Variants in CHL1 observed in about 807,000 individuals in gnomAD.
The protein encoded by CHL1 is cell adhesion molecule L1 like.
A neutral mutation model predicts 141.9 loss-of-function variants in CHL1; 96 were observed. The observed-to-expected ratio is 0.68, with a 90% CI of 0.57 to 0.80. The LOEUF (loss-of-function observed/expected upper bound fraction) is 0.80. CHL1 is among the 30% of genes least tolerant of loss of function. CHL1 has a pLI of 0.00. For synonymous variants in CHL1, 613 were observed against 502.2 expected, an observed-to-expected ratio of 1.22 and a Z score of -2.95; for missense variants, 1,820 against 1,457.2, an observed-to-expected ratio of 1.25 and a Z score of -4.05.
intron 7 of CHL1, among the ~76,000 whole-genome samples, chr3:342,702 T>C (rs1341030857): frequency 6.6e-6 from 1 of 152,220 alleles, no homozygotes; most frequent in Admixed American, 6.5e-5. Flanking sequence ...TTCATTTTTA[T>C]GTGTAGATAT....
intron 2 of CHL1, among the ~76,000 whole-genome samples, chr3:289,308 G>A (rs940555293): frequency 5.9e-5 from 9 of 152,072 alleles, no homozygotes; most frequent in Admixed American, 3.3e-4. Flanking sequence ...CAAACTTACC[G>A]ATAACACATT....
intron 20 of CHL1, among the ~76,000 whole-genome samples, chr3:390,293 A>G (rs1485380369): frequency 6.6e-6 from 1 of 152,240 alleles, no homozygotes; most frequent in Non-Finnish European, 1.5e-5. Context: ...GTATGAACCA[A>G]TTTAGGTAAG....
chr3:281,701 AG>A (rs763123419), intron 2 of CHL1, among the ~76,000 whole-genome samples: 6 of 152,082 alleles, frequency 3.9e-5, no homozygotes, highest in Middle Eastern at 3.4e-3. Context: ...CTGGGATTAC[AG>A]GCACATGCCA....
intron 3 of CHL1, among the ~76,000 whole-genome samples, chr3:321,998 G>A (rs1312838824): frequency 1.3e-5 from 2 of 152,024 alleles, no homozygotes; most frequent in Non-Finnish European, 2.9e-5. Flanking sequence ...ATTTAGGAAA[G>A]AATAATGTTC....
intron 1 of CHL1, among the ~76,000 whole-genome samples, chr3:203,006 T>G (rs565034439): frequency 6.6e-6 from 1 of 152,324 alleles, no homozygotes; most frequent in South Asian, 2.1e-4. Context: ...GTTTTGAATA[T>G]TTCTCTGTTT....
chr3:260,668 G>A (rs1694636292), intron 2 of CHL1, among the ~76,000 whole-genome samples: 2 of 152,078 alleles, frequency 1.3e-5, no homozygotes, highest in South Asian at 4.1e-4. Flanking sequence ...ACACAGCTGG[G>A]GTGTAGTTTG....
rs1700322883 is a variant in CHL1 at position 318,729 on chromosome 3, T to C, written c.-94-954T>C. Among the ~76,000 whole-genome samples the C allele has an allele frequency of 3.3e-5, 5 of 151,418 alleles. No homozygotes were observed. In the Admixed American group the frequency reaches 3.3e-4, roughly 10 times the overall value. Reference sequence around the variant, plus strand: ...GCCTTTATTCTTTTGTTCTTTATTATTTCTTTCCTCTATCTTGCTGGAACT... The same window carrying C: ...GCCTTTATTCTTTTGTTCTTTATTACTTCTTTCCTCTATCTTGCTGGAACT... On this transcript the variant is annotated intron_variant, in intron 2 of 27. Coordinates refer to ENST00000256509, the MANE Select transcript of CHL1 (RefSeq NM_006614.4).
chr3:202,061 A>G (rs75778965), intron 1 of CHL1, among the ~76,000 whole-genome samples: 1,561 of 152,316 alleles, frequency 0.01, 32 homozygotes, highest in African/African-American at 0.035. Flanking sequence ...TCAGGCTGCC[A>G]GGGTTCAAAA....
At chr3:395,343 A>G (rs1336867907) in intron 24 of CHL1, among the ~76,000 whole-genome samples, 1 of 152,170 alleles carries the variant, frequency 6.6e-6, no homozygotes, top group Non-Finnish European at 1.5e-5. Context: ...CTGTCTGATG[A>G]TGGATGCCAA....
intron 5 of CHL1, among the ~76,000 whole-genome samples, chr3:338,961 A>G (rs1265510072): frequency 6.6e-6 from 1 of 152,218 alleles, no homozygotes; most frequent in Non-Finnish European, 1.5e-5. Context: ...TTATTAATTA[A>G]CTACTTTACA....
intron 8 of CHL1, among the ~76,000 whole-genome samples, chr3:344,319 T>G (rs1349676882): frequency 6.6e-6 from 1 of 152,194 alleles, no homozygotes; most frequent in Non-Finnish European, 1.5e-5. Flanking sequence ...CTGTTTGACC[T>G]TCTGAGTTAG....
At chr3:207,573 A>C (rs1699545906) in intron 1 of CHL1, among the ~76,000 whole-genome samples, 1 of 152,252 alleles carries the variant, frequency 6.6e-6, no homozygotes, top group Non-Finnish European at 1.5e-5. Context: ...GGGTAAACAT[A>C]TAGGCAATAA....
chr3:294,688 T>C (rs1698020487), intron 2 of CHL1, among the ~76,000 whole-genome samples: 1 of 92,440 alleles, frequency 1.1e-5, no homozygotes, highest in African/African-American at 9.4e-5. Context: ...AGTACAGGCA[T>C]GCCCATAACA....
intron 1 of CHL1, among the ~76,000 whole-genome samples, chr3:208,901 G>A (rs1473971630): frequency 6.6e-6 from 1 of 152,116 alleles, no homozygotes; most frequent in South Asian, 2.1e-4. Flanking sequence ...CTATATAGAT[G>A]TCCTAAAATA....
intron 2 of CHL1, among the ~76,000 whole-genome samples, chr3:278,773 T>C (rs1696378937): frequency 6.6e-6 from 1 of 152,238 alleles, no homozygotes; most frequent in South Asian, 2.1e-4. Flanking sequence ...GTAAAGGTGG[T>C]ATTTTATGAA....
At chr3:362,615 C>T (rs1441995796) in intron 13 of CHL1, among the ~76,000 whole-genome samples, 2 of 117,150 alleles carry the variant, frequency 1.7e-5, no homozygotes, top group Non-Finnish European at 3.8e-5. Flanking sequence ...GCATCCACAG[C>T]TTATCCTTAA....
Position 349,344 on chromosome 3 carries a change from A to T in CHL1, c.849-15A>T. 6.3e-7 allele frequency: 1 copy of T among 1,599,774 alleles called. No individual in the cohort carries two copies. Among genetic ancestry groups the T allele is most frequent in the Non-Finnish European group, 8.5e-7 (1 of 1,173,068 alleles). On this transcript the variant is annotated splice_polypyrimidine_tract_variant and intron_variant, in intron 9 of 27. Coordinates refer to ENST00000256509, the MANE Select transcript of CHL1 (RefSeq NM_006614.4). The stretch of plus-strand genomic sequence containing the variant: ...CTTTTAAAAAAATGTTTATTTATTT[A>T]ACTATTTTTTGCAGGCCAACTCCAC...
chr3:299,638 T>C (rs949179008), intron 2 of CHL1, among the ~76,000 whole-genome samples: 1 of 152,192 alleles, frequency 6.6e-6, no homozygotes, highest in Non-Finnish European at 1.5e-5. Flanking sequence ...AGCAGCTAGT[T>C]AGATACTATG....
chr3:337,141 T>A (rs1355591077), intron 5 of CHL1, among the ~76,000 whole-genome samples: 1 of 151,832 alleles, frequency 6.6e-6, no homozygotes, highest in Non-Finnish European at 1.5e-5. Flanking sequence ...AGGAAATTGA[T>A]CTCATCTAGA....
Sources: gnomAD v4.1 joint callset for allele counts (sites outside exome capture counted in the v4.1 genomes callset) on GRCh38, gnomAD v4.1.1 for gene constraint, MANE v1.5 for transcripts, NCBI Gene and HGNC (gene_info 2026-07-23, HGNC 2026-07-21) for gene names.